AAK1: variants seen among roughly 807,000 people sequenced by gnomAD.
AAK1 encodes the protein AP2 associated kinase 1, also known as AP2-associated protein kinase 1.
AAK1 carries 37 observed loss-of-function variants against 116.0 expected under a neutral mutation model. That is an observed-to-expected ratio of 0.32 (90% CI 0.25 to 0.42). The LOEUF (loss-of-function observed/expected upper bound fraction) is 0.42, where lower values mean the gene tolerates loss of function less well. Among genes scored for constraint, AAK1 ranks in the 10% least tolerant of loss-of-function variants. The probability of loss-of-function intolerance (pLI) is 1.00; values close to 1 mark genes in which losing one functional copy is unlikely to be tolerated. For missense variants in AAK1, 919 were observed against 1,170.6 expected, an observed-to-expected ratio of 0.79 and a Z score of 3.14; for synonymous variants, 458 against 439.9, an observed-to-expected ratio of 1.04 and a Z score of -0.51.
chr2:69,635,451 C>T (rs755595515), intron 2 of AAK1, among the ~76,000 whole-genome samples: 1 of 152,086 alleles, frequency 6.6e-6, no homozygotes, highest in Non-Finnish European at 1.5e-5. Flanking sequence ...TGAGTATATA[C>T]CCAAAAGAAC....
In AAK1 at chr2:69,464,531, A is replaced by C. The variant is rs1420129306; in HGVS notation, c.*11338T>G. ...GCCATGAGAAAAAAACTAAATAAAT[A>C]AAATGGGGTTCAAGTCAGTTAGGCG... On this transcript the variant is annotated 3_prime_UTR_variant, in exon 22 of 22. Coordinates refer to ENST00000409085, the MANE Select transcript of AAK1 (RefSeq NM_014911.5). 6.6e-6 allele frequency: 1 copy of C among 152,634 alleles called. No homozygotes were observed. The highest frequency in any genetic ancestry group is 1.5e-5 in the Non-Finnish European group (1 of 68,036). 9.5% of individuals were successfully genotyped at this position (152,634 alleles called of 1,614,324 possible).
At chr2:69,543,558 C>A (rs2105054842) in intron 4 of AAK1, among the ~76,000 whole-genome samples, 1 of 152,162 alleles carries the variant, frequency 6.6e-6, no homozygotes, top group East Asian at 1.9e-4. Flanking sequence ...CAGGTGCGCA[C>A]CACCATGCCC....
intron 2 of AAK1, among the ~76,000 whole-genome samples, chr2:69,569,608 T>C (rs142815780): frequency 3.5e-4 from 54 of 152,272 alleles, no homozygotes; most frequent in African/African-American, 1.2e-3. Flanking sequence ...AATCTTTCCA[T>C]CTCACACAAA....
chr2:69,630,635 T>C lies in AAK1; in HGVS notation c.163+12243A>G, dbSNP rs187347365. Among the ~76,000 whole-genome samples, 965 of 152,322 alleles carry C rather than the reference T, an allele frequency of 6.3e-3. 22 individuals carry two copies. The highest frequency in any genetic ancestry group is 0.012 in the East Asian group (62 of 5,192). On this transcript the variant is annotated intron_variant, in intron 2 of 21. Transcript: ENST00000409085. ...AGAAGACTAGATCTTAGTTAACTTT[T>C]CCTAACATCACAGGGACATGTCCAG...
At chr2:69,530,235 C>G in intron 7 of AAK1, 95 bp from the exon 8 acceptor site, 2 of 1,294,704 alleles carry the variant, frequency 1.5e-6, no homozygotes, top group South Asian at 3.2e-5. Flanking sequence ...CATTTACTAG[C>G]AGATACAAAA....
At chr2:69,626,272 G>C (rs10192002) in intron 2 of AAK1, among the ~76,000 whole-genome samples, 19,933 of 151,144 alleles carry the variant, frequency 0.13, 3,053 homozygotes, top group African/African-American at 0.36. Context: ...TTATTATTAA[G>C]AAATAATAAT....
At chr2:69,612,663 C>T (rs1481932980) in intron 2 of AAK1, among the ~76,000 whole-genome samples, 1 of 152,194 alleles carries the variant, frequency 6.6e-6, no homozygotes, top group Non-Finnish European at 1.5e-5. Context: ...CAACTCTAAA[C>T]CATGTGCTGT....
At chr2:69,494,040 GA>G (rs1349452807) in intron 17 of AAK1, among the ~76,000 whole-genome samples, 1 of 152,200 alleles carries the variant, frequency 6.6e-6, no homozygotes, top group Non-Finnish European at 1.5e-5. Flanking sequence ...CCAAAGCACA[GA>G]AGAGTTAACT....
At chr2:69,493,598 A>C (rs1448868978) in intron 17 of AAK1, among the ~76,000 whole-genome samples, 1 of 152,182 alleles carries the variant, frequency 6.6e-6, no homozygotes, top group East Asian at 1.9e-4. Context: ...GTGAATACAG[A>C]CAGTGTCGTT....
chr2:69,638,533 C>T (rs1328971888), intron 2 of AAK1, among the ~76,000 whole-genome samples: 1 of 152,200 alleles, frequency 6.6e-6, no homozygotes, highest in East Asian at 1.9e-4. Flanking sequence ...GCAAGCACCT[C>T]CAGGGAGCAA....
At chr2:69,518,380 A>G (rs1367802427) in intron 12 of AAK1, among the ~76,000 whole-genome samples, 1 of 151,940 alleles carries the variant, frequency 6.6e-6, no homozygotes, top group Non-Finnish European at 1.5e-5. Flanking sequence ...TAGAAAAAAG[A>G]AGAAAAAAAA....
At chr2:69,511,228 G>A (rs1400551681) in intron 13 of AAK1, among the ~76,000 whole-genome samples, 1 of 152,220 alleles carries the variant, frequency 6.6e-6, no homozygotes, top group Admixed American at 6.5e-5. Context: ...CCCTGAGACA[G>A]TTTAAGGAAA....
In AAK1 at chr2:69,472,333, G is replaced by T; in HGVS notation, c.*3536C>A. On this transcript the variant is annotated 3_prime_UTR_variant, in exon 22 of 22. Coordinates refer to ENST00000409085, the MANE Select transcript of AAK1 (RefSeq NM_014911.5). ...TAGACAAAGAAAGAATATACTTCCA[G>T]GTGCTTTCTCAAAGTGATACTAATT... 3.8e-6 allele frequency: 1 copy of T among 265,238 alleles called. No individual in the cohort carries two copies. The highest frequency in any genetic ancestry group is 5.8e-6 in the Non-Finnish European group (1 of 171,590). The allele number at this position is 265,238 out of a possible 1,614,324, so 16.4% of individuals were successfully genotyped here. A position where few individuals can be genotyped will look rare whatever the true frequency, so the allele number is the denominator to read the frequency against.
chr2:69,471,358 T>C lies in AAK1; in HGVS notation c.*4511A>G. 1 of 985,450 alleles carries C rather than the reference T, an allele frequency of 1.0e-6. No homozygotes were observed. Among genetic ancestry groups the C allele is most frequent in the Non-Finnish European group, 1.2e-6 (1 of 829,936 alleles). 61.0% of individuals were successfully genotyped at this position (985,450 alleles called of 1,614,324 possible). The stretch of plus-strand genomic sequence containing the variant: ...ATAGATTTCCTAGCACTCATTCTGA[T>C]TTAAGAAATCTAAGCACATCCAACT... On this transcript the variant is annotated 3_prime_UTR_variant, in exon 22 of 22. Transcript: ENST00000409085.
intron 13 of AAK1, among the ~76,000 whole-genome samples, chr2:69,509,668 G>A (rs1676317312): frequency 6.6e-6 from 1 of 152,112 alleles, no homozygotes; most frequent in Admixed American, 6.6e-5. Flanking sequence ...TAACAACATG[G>A]TATTTGCCTG....
chr2:69,492,771 G>C (rs866063776), intron 17 of AAK1, among the ~76,000 whole-genome samples: 1 of 151,894 alleles, frequency 6.6e-6, no homozygotes, highest in African/African-American at 2.4e-5. Context: ...TGATCCACCC[G>C]CCTCGACCTC....
chr2:69,633,239 A>G (rs1675287180), intron 2 of AAK1, among the ~76,000 whole-genome samples: 2 of 147,260 alleles, frequency 1.4e-5, no homozygotes, highest in Non-Finnish European at 3.0e-5. Context: ...AAAGGCCCCA[A>G]GAAAAAAGAG....
chr2:69,606,026 C>G (rs1042462552), intron 2 of AAK1, among the ~76,000 whole-genome samples: 8 of 152,196 alleles, frequency 5.3e-5, no homozygotes, highest in African/African-American at 1.9e-4. Flanking sequence ...AATTCACTGT[C>G]CTAGGAACAT....
intron 2 of AAK1, among the ~76,000 whole-genome samples, chr2:69,564,221 G>GA (rs1486194374): frequency 6.6e-6 from 1 of 151,786 alleles, no homozygotes; most frequent in Non-Finnish European, 1.5e-5. Context: ...AAAAAGAAAA[G>GA]AAAAGAAATT....
Sources: gnomAD v4.1 joint callset for allele counts (sites outside exome capture counted in the v4.1 genomes callset) on GRCh38, gnomAD v4.1.1 for gene constraint, MANE v1.5 for transcripts, NCBI Gene and HGNC (gene_info 2026-07-23, HGNC 2026-07-21) for gene names.